Variants in ITPR2 observed in about 807,000 individuals in gnomAD.
ITPR2 encodes the protein inositol 1,4,5-trisphosphate-gated calcium channel ITPR2.
A neutral mutation model predicts 317.1 loss-of-function variants in ITPR2; 207 were observed. The observed-to-expected ratio is 0.65, with a 90% CI of 0.58 to 0.73. ITPR2 has a LOEUF of 0.73. ITPR2 is among the 30% of genes least tolerant of loss of function. The pLI is 0.00. For synonymous variants in ITPR2, 1,156 were observed against 1,149.1 expected (o/e 1.01, Z -0.12); for missense variants, 2,613 against 3,284.0 (o/e 0.80, Z 4.99).
At chr12:26,726,237 T>C (rs1442696568) in intron 2 of ITPR2, among the ~76,000 whole-genome samples, 1 of 152,158 alleles carries the variant, frequency 6.6e-6, no homozygotes, top group Non-Finnish European at 1.5e-5. Flanking sequence ...AGTTTCCAAA[T>C]ACCTGGGTGA....
At chr12:26,724,569 C>A in intron 4 of ITPR2, 87 bp downstream of exon 4, 2 of 777,960 alleles carry the variant, frequency 2.6e-6, no homozygotes, top group South Asian at 1.5e-5. Context: ...TCCTGTATCT[C>A]AAAATTTTAA....
At chr12:26,477,718 A>G (rs1357614825) in intron 43 of ITPR2, among the ~76,000 whole-genome samples, 1 of 152,196 alleles carries the variant, frequency 6.6e-6, no homozygotes, top group Non-Finnish European at 1.5e-5. Context: ...TTCTACATAC[A>G]GATATCAAAA....
At chr12:26,444,703 G>A (rs921109979) in intron 45 of ITPR2, among the ~76,000 whole-genome samples, 4 of 151,162 alleles carry the variant, frequency 2.6e-5, no homozygotes, top group Non-Finnish European at 4.4e-5. Flanking sequence ...TATTATTCAT[G>A]AGATCTTAAT....
intron 52 of ITPR2, 38 bp from the exon 53 acceptor site, chr12:26,400,296 G>T: frequency 8.2e-7 from 1 of 1,218,058 alleles, no homozygotes; most frequent in Non-Finnish European, 1.1e-6. Flanking sequence ...ATAAAATTAT[G>T]TAAAAATATA....
intron 56 of ITPR2, 71 bp downstream of exon 56, chr12:26,340,096 C>T: frequency 7.0e-7 from 1 of 1,429,946 alleles, no homozygotes; most frequent in East Asian, 2.4e-5. Context: ...TCCCTGGACC[C>T]TCTGTCTCCC....
chr12:26,690,633 G>A (rs956179986), intron 10 of ITPR2, among the ~76,000 whole-genome samples: 1 of 152,074 alleles, frequency 6.6e-6, no homozygotes, highest in African/African-American at 2.4e-5. Flanking sequence ...AAATTTTCTA[G>A]ACTTATAAGA....
intron 11 of ITPR2, among the ~76,000 whole-genome samples, chr12:26,685,083 G>A (rs773754614): frequency 6.6e-6 from 1 of 152,090 alleles, no homozygotes; most frequent in Non-Finnish European, 1.5e-5. Flanking sequence ...TACCCTCCCT[G>A]GAGGAAACCC....
At chr12:26,419,527 TA>T (rs1940823923) in intron 49 of ITPR2, 1 of 192,674 alleles carries the variant, frequency 5.2e-6, no homozygotes, top group Middle Eastern at 2.0e-3. Context: ...GGTCTGGATT[TA>T]AATCTTGGCT....
At chr12:26,486,493 C>T (rs1366180678) in intron 40 of ITPR2, 133 bp from the exon 41 acceptor site, 7 of 781,488 alleles carry the variant, frequency 9.0e-6, no homozygotes, top group Non-Finnish European at 1.4e-5. Context: ...GCAACAATTT[C>T]CAAAAAGGAT....
chr12:26,612,928 C>T (rs1261998416), intron 26 of ITPR2, among the ~76,000 whole-genome samples: 2 of 152,322 alleles, frequency 1.3e-5, no homozygotes, highest in Admixed American at 1.3e-4. Flanking sequence ...TAGGCCTATG[C>T]GCAGAATCTG....
At chr12:26,690,878 A>G (rs1030108816) in intron 10 of ITPR2, among the ~76,000 whole-genome samples, 13 of 152,244 alleles carry the variant, frequency 8.5e-5, no homozygotes, top group Admixed American at 8.5e-4. Flanking sequence ...TTAATTACAT[A>G]GGATAAGTAG....
rs765080852 is a variant in ITPR2 at position 26,686,488 on chromosome 12, C to G, written c.1141G>C (p.Val381Leu). Residue 381 changes from valine (V) to leucine (L), a missense_variant, in exon 11 of 57, where the codon GTT (valine) becomes CTT (leucine). Around this residue, in one of 9 missense-constraint regions of ITPR2, gnomAD observed 515 missense variants for 789.4 expected, o/e 0.65. Transcript: ENST00000381340. Reference protein sequence around the residue: ...ATTLQRADCLVPRNSYVRLRH... With the variant: ...ATTLQRADCLLPRNSYVRLRH... ...AACCATAATTTTTTTTACCTTGGAA[C>G]CAGGCAGTCAGCTCTCTGAAGAGTT... is the stretch of plus-strand genomic sequence containing the variant. 1 of 1,570,140 alleles carries G rather than the reference C, an allele frequency of 6.4e-7. No individual in the cohort carries two copies. Among genetic ancestry groups the G allele is most frequent in the South Asian group, 1.2e-5 (1 of 82,014 alleles).
chr12:26,454,775 ACTTC>A (rs1941839220), intron 45 of ITPR2, among the ~76,000 whole-genome samples: 1 of 152,008 alleles, frequency 6.6e-6, no homozygotes, highest in Non-Finnish European at 1.5e-5. Flanking sequence ...CTGAGAAATG[ACTTC>A]TGGCTTTATC....
At chr12:26,601,117 A>G (rs949098269) in intron 28 of ITPR2, among the ~76,000 whole-genome samples, 6 of 152,206 alleles carry the variant, frequency 3.9e-5, no homozygotes, top group African/African-American at 1.4e-4. Flanking sequence ...TTGTCTTCTT[A>G]AAAGTGGTCT....
chr12:26,800,020 G>A (rs888279649), intron 1 of ITPR2, among the ~76,000 whole-genome samples: 3 of 152,104 alleles, frequency 2.0e-5, no homozygotes, highest in Non-Finnish European at 4.4e-5. Flanking sequence ...TTCACCACCT[G>A]GTTGACACCA....
chr12:26,497,376 G>A (rs1044370295), intron 37 of ITPR2, among the ~76,000 whole-genome samples: 27 of 131,630 alleles, frequency 2.1e-4, no homozygotes, highest in African/African-American at 6.3e-4. Context: ...GGATGGTCTC[G>A]ATCTCCTGAC....
At chr12:26,514,337 T>C (rs1244147597) in intron 37 of ITPR2, among the ~76,000 whole-genome samples, 3 of 152,248 alleles carry the variant, frequency 2.0e-5, no homozygotes, top group Admixed American at 2.0e-4. Context: ...CTGTTTCCTT[T>C]AATGAAGTCC....
At chr12:26,397,253 T>C (rs187741728) in intron 54 of ITPR2, among the ~76,000 whole-genome samples, 39 of 152,210 alleles carry the variant, frequency 2.6e-4, no homozygotes, top group African/African-American at 9.2e-4. Context: ...GAACTTTACG[T>C]CAGCAACACT....
rs1451298518 is a variant in ITPR2 at position 26,338,827 on chromosome 12, C to G, written c.*570G>C. The G allele has an allele frequency of 6.6e-6, 1 of 152,284 alleles. No individual in the cohort carries two copies. The highest frequency in any genetic ancestry group is 1.5e-5 in the Non-Finnish European group (1 of 68,132). The allele number at this position is 152,284 out of a possible 1,614,324, so 9.4% of individuals were successfully genotyped here. On this transcript the variant is annotated 3_prime_UTR_variant, in exon 57 of 57. Coordinates refer to ENST00000381340, the MANE Select transcript of ITPR2 (RefSeq NM_002223.4). ...GTACTAAGTTCCTAGAGCTGTAAAT[C>G]CATTGTGCTTCATGTTATAAATAAA...
Sources: allele counts gnomAD v4.1 joint callset (sites outside exome capture counted in the v4.1 genomes callset), GRCh38; gene constraint gnomAD v4.1.1; regional missense constraint gnomAD v4.1.1; transcripts MANE v1.5; gene names NCBI Gene and HGNC (gene_info 2026-07-23, HGNC 2026-07-21).